Variants in ASAP1 observed in about 807,000 individuals in gnomAD.
ASAP1 encodes arf-GAP with SH3 domain, ANK repeat and PH domain-containing protein 1.
Under a neutral mutation model 145.2 loss-of-function variants are expected in ASAP1, and 43 were observed. The ratio of observed to expected loss-of-function variants is 0.30; its 90% CI spans 0.23 to 0.38. ASAP1 has a LOEUF of 0.38. Among genes scored for constraint, ASAP1 ranks in the 10% least tolerant of loss-of-function variants. The pLI is 1.00. For missense variants in ASAP1, 1,018 were observed against 1,355.3 expected (o/e 0.75, Z 3.91); for synonymous variants, 546 against 515.5 (o/e 1.06, Z -0.80).
intron 3 of ASAP1, among the ~76,000 whole-genome samples, chr8:130,346,583 C>T (rs1190390145): frequency 2.0e-5 from 3 of 152,132 alleles, no homozygotes; most frequent in Non-Finnish European, 2.9e-5. Context: ...TTATATGAGA[C>T]GATATGGGTA....
chr8:130,441,750 A>G (rs149297251), intron 1 of ASAP1, among the ~76,000 whole-genome samples: 7 of 152,192 alleles, frequency 4.6e-5, no homozygotes, highest in African/African-American at 1.2e-4. Flanking sequence ...GAGAATTTCA[A>G]TTTCCCTCAC....
At chr8:130,313,828 G>C (rs992953778) in intron 3 of ASAP1, among the ~76,000 whole-genome samples, 2 of 152,116 alleles carry the variant, frequency 1.3e-5, no homozygotes, top group Non-Finnish European at 2.9e-5. Flanking sequence ...CTGGGGGAAA[G>C]GGAATGAATC....
At chr8:130,306,767 T>G (rs535846147) in intron 3 of ASAP1, among the ~76,000 whole-genome samples, 4 of 152,378 alleles carry the variant, frequency 2.6e-5, no homozygotes, top group East Asian at 1.9e-4. Context: ...ATACTCACAA[T>G]GCTCGGACCA....
At chr8:130,311,755 C>A (rs1823359582) in intron 3 of ASAP1, among the ~76,000 whole-genome samples, 2 of 26,698 alleles carry the variant, frequency 7.5e-5, no homozygotes, top group Admixed American at 3.5e-4. Context: ...GAGCGAAACT[C>A]CGTCTCAAAA....
chr8:130,285,851 G>A (rs760198825), intron 3 of ASAP1, among the ~76,000 whole-genome samples: 13 of 152,170 alleles, frequency 8.5e-5, no homozygotes, highest in South Asian at 2.1e-4. Context: ...CCTGCTGAGC[G>A]AGTACCAACA....
Position 130,214,428 on chromosome 8 carries a change from C to A in ASAP1, c.405+128G>T, listed in dbSNP as rs181459895. The A allele has an allele frequency of 5.8e-5, 55 of 943,216 alleles. No individual in the cohort carries two copies. In the East Asian group the frequency reaches 1.7e-3, roughly 29 times the overall value. 58.4% of individuals were successfully genotyped at this position (943,216 alleles called of 1,614,324 possible). On this transcript the variant is annotated intron_variant, in intron 5 of 29. Transcript: ENST00000518721. ...GTGGAAGTTACCTAGGACTAAAAAG[C>A]TTTTTGTTTTTTCTTTCTCACCCCT...
At chr8:130,320,840 T>C (rs1038989850) in intron 3 of ASAP1, among the ~76,000 whole-genome samples, 7 of 152,146 alleles carry the variant, frequency 4.6e-5, no homozygotes, top group African/African-American at 1.2e-4. Flanking sequence ...ATCAGATCAG[T>C]AGACATCAAC....
At chr8:130,258,237 G>A (rs145113898) in intron 3 of ASAP1, among the ~76,000 whole-genome samples, 11 of 152,232 alleles carry the variant, frequency 7.2e-5, no homozygotes, top group South Asian at 4.1e-4. Context: ...AAAGTCAATC[G>A]TCAACCAGCC....
intron 2 of ASAP1, among the ~76,000 whole-genome samples, chr8:130,379,760 C>G (rs970632923): frequency 1.6e-4 from 25 of 152,196 alleles, no homozygotes; most frequent in African/African-American, 6.0e-4. Flanking sequence ...GAGACACTCC[C>G]CGGGCCCTAC....
In ASAP1 at chr8:130,279,426, T is replaced by C. The variant is rs147506147; in HGVS notation, c.187-42432A>G. ...GCTCACAAACCGCAGTGGATGTTAA[T>C]GGCAGATGTTAGAAATCCACTTCTG... On this transcript the variant is annotated intron_variant, in intron 3 of 29. Coordinates refer to ENST00000518721, the MANE Select transcript of ASAP1 (RefSeq NM_018482.4). Among the ~76,000 whole-genome samples the C allele has an allele frequency of 3.2e-3, 484 of 152,306 alleles. 1 individual carries two copies. The highest frequency in any genetic ancestry group is 5.0e-3 in the Non-Finnish European group (341 of 68,030).
At chr8:130,321,699 T>C (rs1263286676) in intron 3 of ASAP1, among the ~76,000 whole-genome samples, 1 of 152,174 alleles carries the variant, frequency 6.6e-6, no homozygotes, top group African/African-American at 2.4e-5. Flanking sequence ...GTCACTTAAA[T>C]TGTCTAAGTT....
chr8:130,288,076 CTCT>C, intron 3 of ASAP1, among the ~76,000 whole-genome samples: 1 of 152,296 alleles, frequency 6.6e-6, no homozygotes, highest in South Asian at 2.1e-4. Flanking sequence ...CTGCGTGGAA[CTCT>C]TCTCCCCTGG....
chr8:130,167,720 AT>A (rs1195474453), intron 10 of ASAP1, 98 bp from the exon 11 acceptor site: 2 of 890,676 alleles, frequency 2.2e-6, no homozygotes, highest in African/African-American at 3.4e-5. Flanking sequence ...TCTATTATAT[AT>A]TTGGTTTTCT....
chr8:130,189,531 G>A (rs971720976), intron 5 of ASAP1, among the ~76,000 whole-genome samples: 2 of 152,116 alleles, frequency 1.3e-5, no homozygotes, highest in Admixed American at 1.3e-4. Context: ...TATATATACT[G>A]TATTTTCTTT....
intron 11 of ASAP1, among the ~76,000 whole-genome samples, chr8:130,162,661 A>G (rs1411379104): frequency 6.6e-6 from 1 of 152,034 alleles, no homozygotes; most frequent in East Asian, 1.9e-4. Context: ...TACTAAAAAT[A>G]CAAAAAATTA....
chr8:130,061,626 G>A (rs2097419821), intron 27 of ASAP1, among the ~76,000 whole-genome samples: 1 of 152,040 alleles, frequency 6.6e-6, no homozygotes, highest in Non-Finnish European at 1.5e-5. Context: ...TATAAGCGAG[G>A]TAGCAAAAGG....
intron 23 of ASAP1, among the ~76,000 whole-genome samples, chr8:130,113,039 A>G (rs2097549279): frequency 6.6e-6 from 1 of 152,152 alleles, no homozygotes; most frequent in African/African-American, 2.4e-5. Context: ...TAGCCTCCAG[A>G]ATGGCCCCTT....
intron 27 of ASAP1, among the ~76,000 whole-genome samples, chr8:130,074,236 G>C (rs865870708): frequency 6.6e-6 from 1 of 151,996 alleles, no homozygotes; most frequent in Non-Finnish European, 1.5e-5. Flanking sequence ...ATAGAATTGC[G>C]TATGTATGAA....
intron 12 of ASAP1, 79 bp from the exon 13 acceptor site, chr8:130,152,884 T>A: frequency 9.1e-7 from 1 of 1,097,604 alleles, no homozygotes; most frequent in Non-Finnish European, 1.3e-6. Context: ...TGATACATAA[T>A]AATAATTACA....
Sources: allele counts gnomAD v4.1 joint callset (sites outside exome capture counted in the v4.1 genomes callset), GRCh38; gene constraint gnomAD v4.1.1; transcripts MANE v1.5; gene names NCBI Gene and HGNC (gene_info 2026-07-23, HGNC 2026-07-21).